Variants in TBL1XR1 observed in about 807,000 individuals in gnomAD.
TBL1XR1 encodes the protein TBL1X/Y related 1, also known as F-box-like/WD repeat-containing protein TBL1XR1.
A neutral mutation model predicts 66.9 loss-of-function variants in TBL1XR1; 5 were observed. That is an observed-to-expected ratio of 0.07 (90% CI 0.04 to 0.16). TBL1XR1 has a LOEUF of 0.16. Ranked by LOEUF, TBL1XR1 falls within the 10% of genes least tolerant of loss-of-function variation. The probability of loss-of-function intolerance (pLI) is 1.00; values close to 1 mark genes in which losing one functional copy is unlikely to be tolerated. For missense variants in TBL1XR1, 238 were observed against 623.2 expected (o/e 0.38, Z 6.58); for synonymous variants, 210 against 206.0 (o/e 1.02, Z -0.17).
rs1712844474 is a variant in TBL1XR1, at chr3:177,024,708, AAAAAG to A, written c.*785_*789del. On this transcript the variant is annotated 3_prime_UTR_variant, in exon 16 of 16. Transcript: ENST00000457928. ...ATTTAAGCCACATCACCAAAAAACA[AAAAAG>A]AAAAAAAAAAAAAAAAAGCAAAACA... 1 of 145,094 alleles carries A rather than the reference AAAAAG, an allele frequency of 6.9e-6. No homozygotes were observed. The highest frequency in any genetic ancestry group is 7.0e-5 in the Admixed American group (1 of 14,274). 9.0% of individuals were successfully genotyped at this position (145,094 alleles called of 1,614,324 possible).
chr3:177,100,908 T>C (rs1383206052), intron 1 of TBL1XR1, among the ~76,000 whole-genome samples: 1 of 149,990 alleles, frequency 6.7e-6, no homozygotes, highest in Non-Finnish European at 1.5e-5. Flanking sequence ...CAGGCTGGAG[T>C]GCAATGGCGC....
chr3:177,043,250 A>C (rs1715851445), intron 10 of TBL1XR1, among the ~76,000 whole-genome samples: 1 of 152,168 alleles, frequency 6.6e-6, no homozygotes, highest in Non-Finnish European at 1.5e-5. Context: ...TTATTGAGAG[A>C]AGAATACTAA....
chr3:177,167,528 A>G (rs765299306), intron 1 of TBL1XR1, among the ~76,000 whole-genome samples: 2 of 152,228 alleles, frequency 1.3e-5, no homozygotes, highest in Non-Finnish European at 2.9e-5. Context: ...TAACCAACGT[A>G]CCACTCTGGT....
intron 12 of TBL1XR1, among the ~76,000 whole-genome samples, chr3:177,034,673 T>G (rs769676067): frequency 6.6e-6 from 1 of 152,038 alleles, no homozygotes; most frequent in Non-Finnish European, 1.5e-5. Flanking sequence ...AATAAACTGC[T>G]CTTAGAATTT....
At chr3:177,038,586 A>G (rs1427559820) in intron 10 of TBL1XR1, 152 bp from the exon 11 acceptor site, 3 of 725,886 alleles carry the variant, frequency 4.1e-6, no homozygotes, top group Middle Eastern at 4.2e-4. Flanking sequence ...AAAAATTAAA[A>G]TAAAAGTATC....
chr3:177,093,010 A>C (rs1419456384), intron 2 of TBL1XR1, among the ~76,000 whole-genome samples: 1 of 152,192 alleles, frequency 6.6e-6, no homozygotes, highest in Non-Finnish European at 1.5e-5. Flanking sequence ...AAATCGGTAA[A>C]GAGGAAGGCA....
chr3:177,155,120 C>T (rs1306585209), intron 1 of TBL1XR1, among the ~76,000 whole-genome samples: 1 of 152,056 alleles, frequency 6.6e-6, no homozygotes, highest in African/African-American at 2.4e-5. Flanking sequence ...AAAGCAACAC[C>T]TTAAGGGCAC....
At chr3:177,174,408 C>CAAA (rs59132617) in intron 1 of TBL1XR1, among the ~76,000 whole-genome samples, 1,856 of 56,508 alleles carry the variant, frequency 0.033, 104 homozygotes, top group African/African-American at 0.051. Flanking sequence ...GACTCCATCT[C>CAAA]AAAAAAAAAA....
intron 1 of TBL1XR1, among the ~76,000 whole-genome samples, chr3:177,117,690 A>G (rs1726468004): frequency 6.6e-6 from 1 of 152,182 alleles, no homozygotes; most frequent in Non-Finnish European, 1.5e-5. Context: ...CTTGACTTCA[A>G]ATTCCACTAG....
chr3:177,138,648 G>GT (rs1366650968), intron 1 of TBL1XR1, among the ~76,000 whole-genome samples: 1 of 152,128 alleles, frequency 6.6e-6, no homozygotes, highest in Non-Finnish European at 1.5e-5. Flanking sequence ...AAGGCTTTCT[G>GT]TGAGAGTAGC....
intron 1 of TBL1XR1, among the ~76,000 whole-genome samples, chr3:177,123,287 A>C (rs73039661): frequency 4.3e-4 from 62 of 144,782 alleles, no homozygotes; most frequent in African/African-American, 1.5e-3. Flanking sequence ...CAAAAGTTTA[A>C]AATTCAAGCC....
At chr3:177,108,865 A>G (rs527336762) in intron 1 of TBL1XR1, among the ~76,000 whole-genome samples, 12 of 152,248 alleles carry the variant, frequency 7.9e-5, no homozygotes, top group South Asian at 4.1e-4. Flanking sequence ...AGGAAGGAAG[A>G]AACAGAAAAC....
chr3:177,139,707 A>C (rs1314987504), intron 1 of TBL1XR1, among the ~76,000 whole-genome samples: 1 of 152,038 alleles, frequency 6.6e-6, no homozygotes, highest in Non-Finnish European at 1.5e-5. Flanking sequence ...CAATCTAGAG[A>C]GTCCAACATT....
chr3:177,048,259 G>A (rs567983571), intron 7 of TBL1XR1, among the ~76,000 whole-genome samples: 1 of 152,188 alleles, frequency 6.6e-6, no homozygotes, highest in South Asian at 2.1e-4. Flanking sequence ...TTGCCTCGAT[G>A]AATTGTGTAA....
At chr3:177,161,235 T>G (rs567011046) in intron 1 of TBL1XR1, among the ~76,000 whole-genome samples, 81 of 152,312 alleles carry the variant, frequency 5.3e-4, no homozygotes, top group Middle Eastern at 3.4e-3. Flanking sequence ...ATAACCCCTG[T>G]GCCAGTCCTT....
At chr3:177,109,172 A>G (rs1350854005) in intron 1 of TBL1XR1, among the ~76,000 whole-genome samples, 2 of 152,222 alleles carry the variant, frequency 1.3e-5, no homozygotes, top group African/African-American at 2.4e-5. Flanking sequence ...AAGTTAATAT[A>G]TAAACAAAAT....
intron 2 of TBL1XR1, among the ~76,000 whole-genome samples, chr3:177,077,198 G>A (rs1720801632): frequency 6.6e-6 from 1 of 152,092 alleles, no homozygotes. Context: ...CATCTCTAGG[G>A]AATATAATCT....
At chr3:177,061,810 A>G (rs996239106) in intron 3 of TBL1XR1, among the ~76,000 whole-genome samples, 2 of 152,236 alleles carry the variant, frequency 1.3e-5, no homozygotes, top group Non-Finnish European at 2.9e-5. Context: ...GATAAATATG[A>G]TGAATCCCCA....
chr3:177,034,107 TTCATGAAA>T, intron 13 of TBL1XR1, 83 bp downstream of exon 13: 1 of 1,372,086 alleles, frequency 7.3e-7, no homozygotes. Context: ...AAGTTTCCAC[TTCATGAAA>T]TCTTCCCTAA....
Sources: allele counts gnomAD v4.1 joint callset (sites outside exome capture counted in the v4.1 genomes callset), GRCh38; gene constraint gnomAD v4.1.1; transcripts MANE v1.5; gene names NCBI Gene and HGNC (gene_info 2026-07-23, HGNC 2026-07-21).